ABR: variants seen among roughly 807,000 people sequenced by gnomAD.
ABR encodes active breakpoint cluster region-related protein.
Under a neutral mutation model 107.2 loss-of-function variants are expected in ABR, and 35 were observed. The observed-to-expected ratio is 0.33, with a 90% confidence interval of 0.25 to 0.43. ABR has a LOEUF of 0.43. ABR is among the 20% of genes least tolerant of loss of function. The pLI, the probability that ABR is intolerant of heterozygous loss-of-function variation, is 1.00. For missense variants in ABR, 815 were observed against 1,115.2 expected (o/e 0.73, Z 3.83); for synonymous variants, 498 against 462.0 (o/e 1.08, Z -1.00).
At chr17:1,217,028 A>ATCTAATGCT (rs1175028252) in intron 1 of ABR, among the ~76,000 whole-genome samples, 2 of 152,184 alleles carry the variant, frequency 1.3e-5, no homozygotes, top group African/African-American at 4.8e-5. Flanking sequence ...AGGTGGGGCC[A>ATCTAATGCT]CAGAGCATCA....
At position 1,104,841 on chromosome 17, in the gene ABR, G is replaced by A. The variant is rs189718129; in HGVS notation, c.247-4106C>T. 8.5e-5 allele frequency among the ~76,000 whole-genome samples: 13 copies of A among 152,276 alleles called. No individual in the cohort carries two copies. The East Asian group carries it at 1.9e-3, about 23-fold the overall frequency. ...CCTCTCTCCTGAAGGGTGGATCCCCGTATTCTGGGCTCCCTATTGCTGTCT... is the reference window on the plus strand; with the variant it reads ...CCTCTCTCCTGAAGGGTGGATCCCCATATTCTGGGCTCCCTATTGCTGTCT... On this transcript the variant is annotated intron_variant, in intron 2 of 22. Transcript: ENST00000302538.
At chr17:1,018,549 G>C (rs2071382387) in intron 16 of ABR, among the ~76,000 whole-genome samples, 1 of 152,154 alleles carries the variant, frequency 6.6e-6, no homozygotes, top group African/African-American at 2.4e-5. Context: ...AGCTTCTGCA[G>C]GAAGCTGAGC....
In ABR at chr17:1,113,277, G is replaced by GGTTTTTTTTTTTTTTTTTTTTTTTTTTTT. The variant is rs1416563541; in HGVS notation, c.246+11905_246+11906insAAAAAAAAAAAAAAAAAAAAAAAAAAAAC. Reference sequence around the variant, plus strand: ...GGGATAACATGGAAACACCTATTGCGATTTTTTTTTTTTTTTTTTTTTTTT... The same window carrying GGTTTTTTTTTTTTTTTTTTTTTTTTTTTT: ...GGGATAACATGGAAACACCTATTGCGGTTTTTTTTTTTTTTTTTTTTTTTTTTTTATTTTTTTTTTTTTTTTTTTTTTTT... On this transcript the variant is annotated intron_variant, in intron 2 of 22. Coordinates refer to ENST00000302538, the MANE Select transcript of ABR (RefSeq NM_021962.5). Among the ~76,000 whole-genome samples, 4 of 88,172 alleles carry GGTTTTTTTTTTTTTTTTTTTTTTTTTTTT rather than the reference G, an allele frequency of 4.5e-5. 1 individual carries two copies. The highest frequency in any genetic ancestry group is 5.1e-5 in the African/African-American group (1 of 19,730). The allele number at this position is 88,172 out of a possible 152,430, so 57.8% of individuals were successfully genotyped here.
chr17:1,180,055 T>G (rs1164867902), upstream of ABR, among the ~76,000 whole-genome samples: 2 of 10,704 alleles, frequency 1.9e-4, no homozygotes, highest in Non-Finnish European at 3.5e-4. Flanking sequence ...GGGGCTTTGG[T>G]GCGGGGGCGG....
At chr17:1,102,953 G>A (rs572068534) in intron 2 of ABR, among the ~76,000 whole-genome samples, 1 of 152,138 alleles carries the variant, frequency 6.6e-6, no homozygotes, top group Admixed American at 6.5e-5. Context: ...CAGGTGATGC[G>A]CCCGCCTCGG....
At chr17:1,049,867 G>A (rs978157475) in intron 16 of ABR, 183 bp downstream of exon 16, 10 of 778,838 alleles carry the variant, frequency 1.3e-5, no homozygotes, top group Non-Finnish European at 1.8e-5. Context: ...ACACGCCTGG[G>A]CTTCCGGGGC....
chr17:1,111,333 G>GA (rs1277034707), intron 2 of ABR, among the ~76,000 whole-genome samples: 2 of 152,130 alleles, frequency 1.3e-5, no homozygotes, highest in African/African-American at 4.8e-5. Context: ...TGTCCCCGGT[G>GA]GCTGGAAATT....
At chr17:1,142,878 G>T (rs879513689) in intron 1 of ABR, among the ~76,000 whole-genome samples, 1 of 152,152 alleles carries the variant, frequency 6.6e-6, no homozygotes, top group Non-Finnish European at 1.5e-5. Flanking sequence ...CCCTCACCCC[G>T]AGGCCTGGAG....
chr17:1,041,266 T>A (rs1281237379), intron 16 of ABR, among the ~76,000 whole-genome samples: 3 of 152,222 alleles, frequency 2.0e-5, no homozygotes, highest in African/African-American at 7.2e-5. Context: ...GGTCATTCTT[T>A]GTACCCACAG....
At chr17:1,161,988 T>C (rs2041317163) in intron 1 of ABR, among the ~76,000 whole-genome samples, 1 of 152,190 alleles carries the variant, frequency 6.6e-6, no homozygotes, top group Non-Finnish European at 1.5e-5. Flanking sequence ...TGCATTTCAC[T>C]GCGGAGGCTC....
chr17:1,118,125 C>A (rs1198680137), intron 2 of ABR, among the ~76,000 whole-genome samples: 1 of 64,396 alleles, frequency 1.6e-5, no homozygotes, highest in African/African-American at 6.2e-5. Flanking sequence ...TATCCCTGAG[C>A]CTGAGTTCCC....
chr17:1,099,738 A>C (rs867308910), intron 3 of ABR, among the ~76,000 whole-genome samples: 32 of 152,016 alleles, frequency 2.1e-4, no homozygotes, highest in African/African-American at 6.8e-4. Flanking sequence ...TCCCAATCAG[A>C]CTCTCACAAC....
chr17:1,082,325 G>A (rs2036289223), intron 5 of ABR, among the ~76,000 whole-genome samples: 1 of 152,200 alleles, frequency 6.6e-6, no homozygotes, highest in African/African-American at 2.4e-5. Context: ...GTCCCTCCAT[G>A]CCACCTCTTA....
chr17:1,009,869 C>A (rs774267590), intron 20 of ABR, 85 bp from the exon 21 acceptor site: 3 of 1,211,614 alleles, frequency 2.5e-6, no homozygotes, highest in Non-Finnish European at 2.4e-6. Flanking sequence ...TGGGCCCCTG[C>A]GGGAGAGAGC....
chr17:1,173,849 G>A lies in ABR; in HGVS notation c.61+5818C>T, dbSNP rs559703722. ...CCTGCCCCTTCCTAAGTCCTGTGCC[G>A]GCCTCTCCCAGTCCCTCGAGGCTTT... On this transcript the variant is annotated intron_variant, in intron 1 of 22. Transcript: ENST00000302538. Among the ~76,000 whole-genome samples the A allele has an allele frequency of 9.1e-4, 138 of 152,248 alleles. 1 individual carries two copies. The highest frequency in any genetic ancestry group is 3.1e-3 in the African/African-American group (127 of 41,530).
At chr17:1,140,224 G>T (rs2040235116) in intron 1 of ABR, among the ~76,000 whole-genome samples, 1 of 152,264 alleles carries the variant, frequency 6.6e-6, no homozygotes, top group Admixed American at 6.5e-5. Flanking sequence ...TGCGGCCACA[G>T]CAGGGTCCTC....
intron 2 of ABR, chr17:1,108,980 G>T (rs1422627727): frequency 6.3e-7 from 1 of 1,597,826 alleles, no homozygotes; most frequent in Non-Finnish European, 8.5e-7. Context: ...GCTGGTCGGG[G>T]TTCCCAGCTC....
At chr17:1,188,287 A>G (rs2042355452), upstream of ABR, among the ~76,000 whole-genome samples, 1 of 152,118 alleles carries the variant, frequency 6.6e-6, no homozygotes, top group Non-Finnish European at 1.5e-5. Context: ...GCAGTGGCTT[A>G]TGCCTGTAAT....
chr17:1,103,404 CCT>C (rs1161910121), intron 2 of ABR, among the ~76,000 whole-genome samples: 2 of 152,180 alleles, frequency 1.3e-5, no homozygotes, highest in Non-Finnish European at 2.9e-5. Context: ...GAACTCATCC[CCT>C]GTGCTGGGGG....
Sources: gnomAD v4.1 joint callset for allele counts (sites outside exome capture counted in the v4.1 genomes callset) on GRCh38, gnomAD v4.1.1 for gene constraint, MANE v1.5 for transcripts, NCBI Gene and HGNC (gene_info 2026-07-23, HGNC 2026-07-21) for gene names.